CYP46A1: variants seen among roughly 807,000 people sequenced by gnomAD.
CYP46A1 encodes the protein cytochrome P450 family 46 subfamily A member 1.
CYP46A1 carries 20 observed loss-of-function variants against 63.3 expected under a neutral mutation model. That is an observed-to-expected ratio of 0.32 (90% CI 0.22 to 0.46). The LOEUF is 0.46. Among genes scored for constraint, CYP46A1 ranks in the 20% least tolerant of loss-of-function variants. CYP46A1 has a pLI of 1.00. For synonymous variants in CYP46A1, 268 were observed against 273.6 expected (o/e 0.98, Z 0.20); for missense variants, 445 against 670.8 (o/e 0.66, Z 3.72).
At chr14:99,690,935 G>C (rs570082760) in intron 1 of CYP46A1, 146 bp from the exon 2 acceptor site, 41 of 691,700 alleles carry the variant, frequency 5.9e-5, no homozygotes, top group Non-Finnish European at 6.1e-5. Context: ...CATTCTTACT[G>C]CCTGGTGTCC....
intron 5 of CYP46A1, among the ~76,000 whole-genome samples, chr14:99,701,258 C>T (rs4905881): frequency 0.3 from 45,323 of 151,994 alleles, 6,949 homozygotes; most frequent in Middle Eastern, 0.37. Context: ...TCTACATTAG[C>T]GTGCAGTAAT....
intron 8 of CYP46A1, 59 bp downstream of exon 8, chr14:99,716,019 T>TGATA: frequency 6.2e-7 from 1 of 1,603,338 alleles, no homozygotes; most frequent in South Asian, 1.1e-5. Context: ...GTTCCCCAGG[T>TGATA]GATACATCGC....
chr14:99,726,329 A>G, intron 14 of CYP46A1, 73 bp downstream of exon 14: 4 of 1,514,320 alleles, frequency 2.6e-6, no homozygotes, highest in Non-Finnish European at 3.6e-6. Flanking sequence ...GCCGGGAAGC[A>G]TCTCCGAACC....
chr14:99,688,670 T>A lies in CYP46A1; in HGVS notation c.120-2411T>A, dbSNP rs117647761. On this transcript the variant is annotated intron_variant, in intron 1 of 14. Transcript: ENST00000261835. ...CAAAGCTTGGAACAAAACCTTTCCC[T>A]TCACCCTCTCGTTCCCTGTAGCTGC... 1.7e-4 allele frequency among the ~76,000 whole-genome samples: 26 copies of A among 152,292 alleles called. No homozygotes were observed. The East Asian group carries it at 4.6e-3, about 27-fold the overall frequency.
rs780483949 is a variant in CYP46A1 at position 99,721,958 on chromosome 14, C to G, written c.1068C>G (p.Val356=). The G allele has an allele frequency of 4.1e-5, 66 of 1,612,658 alleles. No individual in the cohort carries two copies. The highest frequency in any genetic ancestry group is 5.0e-5 in the Non-Finnish European group (59 of 1,179,102). The change falls in exon 12 of 15, where the codon GTC becomes GTG. Residue 356 remains valine (V), a splice_region_variant and synonymous_variant. Coordinates refer to ENST00000261835, the MANE Select transcript of CYP46A1 (RefSeq NM_006668.2). ...DLGRLQYLSQ[V]LKESLRLYPP... Reference sequence around the variant, plus strand: ...ATCTCCCCTTGTGGCTTCTCTAGGTCCTCAAAGAGTCGCTGAGGCTGTACC... The same window carrying G: ...ATCTCCCCTTGTGGCTTCTCTAGGTGCTCAAAGAGTCGCTGAGGCTGTACC...
At chr14:99,719,855 G>A (rs533497178) in intron 10 of CYP46A1, among the ~76,000 whole-genome samples, 10 of 150,508 alleles carry the variant, frequency 6.6e-5, no homozygotes, top group African/African-American at 1.5e-4. Context: ...TCCACCTCCC[G>A]GGTTCACGCC....
chr14:99,686,904 G>T (rs1297583072), intron 1 of CYP46A1, among the ~76,000 whole-genome samples: 1 of 152,188 alleles, frequency 6.6e-6, no homozygotes, highest in Non-Finnish European at 1.5e-5. Flanking sequence ...GAAAGTTCTG[G>T]AAACTCTTCT....
rs201296209 is a variant in CYP46A1 at position 99,725,463 on chromosome 14, G to C, written c.1249G>C (p.Gly417Arg). 2 of 1,613,868 alleles carry C rather than the reference G, an allele frequency of 1.2e-6. No individual in the cohort carries two copies. Among genetic ancestry groups the C allele is most frequent in the African/African-American group, 2.7e-5 (2 of 74,904 alleles). The stretch of plus-strand genomic sequence containing the variant: ...GCTGACTTTCAACCCCGATCGCTTC[G>C]GCCCTGGAGCACCCAAGTAAGTCCC... ...DPLTFNPDRFGPGAPKPRFTY... is the reference protein window; with the variant it reads ...DPLTFNPDRFRPGAPKPRFTY... The change falls in exon 13 of 15, where the codon GGC becomes CGC. Residue 417 changes from glycine (G) to arginine (R), a missense_variant. By Grantham distance (125) the Gly-to-Arg change is moderately radical. This residue lies in a region of CYP46A1 where 95 missense variants were observed against 156.9 expected (regional missense o/e 0.61). Transcript: ENST00000261835. The surrounding 1 kb of genome is among the most constrained non-coding windows in gnomAD (Gnocchi z 4.2).
intron 5 of CYP46A1, among the ~76,000 whole-genome samples, chr14:99,700,771 C>T (rs1457869836): frequency 6.6e-6 from 1 of 152,200 alleles, no homozygotes; most frequent in Non-Finnish European, 1.5e-5. Flanking sequence ...GAATGGGTTC[C>T]TTCTACTTAC....
intron 3 of CYP46A1, among the ~76,000 whole-genome samples, chr14:99,693,428 T>C (rs919970031): frequency 6.6e-6 from 1 of 152,228 alleles, no homozygotes; most frequent in Admixed American, 6.5e-5. Context: ...AAGATATATA[T>C]TGATATAGTG....
At chr14:99,700,464 G>A (rs1263699786) in intron 5 of CYP46A1, among the ~76,000 whole-genome samples, 1 of 152,190 alleles carries the variant, frequency 6.6e-6, no homozygotes, top group Non-Finnish European at 1.5e-5. Context: ...TGGTGATATA[G>A]TTGTGCTTTG....
intron 10 of CYP46A1, among the ~76,000 whole-genome samples, chr14:99,719,496 A>G (rs1226737234): frequency 1.3e-5 from 2 of 151,906 alleles, no homozygotes; most frequent in Non-Finnish European, 2.9e-5. Context: ...TGCTGGGATT[A>G]CAGGTGTGAG....
At chr14:99,691,422 G>C in intron 2 of CYP46A1, 1 of 585,376 alleles carries the variant, frequency 1.7e-6, no homozygotes, top group Non-Finnish European at 3.0e-6. Context: ...GGGTGGGGGG[G>C]TGTGACCAGG....
At chr14:99,690,326 A>T (rs2044714647) in intron 1 of CYP46A1, among the ~76,000 whole-genome samples, 1 of 151,670 alleles carries the variant, frequency 6.6e-6, no homozygotes, top group African/African-American at 2.4e-5. Context: ...ACACCCACAC[A>T]CTCATCCCCA....
Position 99,721,277 on chromosome 14 carries a change from G to C in CYP46A1, c.1019G>C (p.Arg340Thr). ...AEVDEVIGSK[R>T]YLDFEDLGRL... is the part of the protein sequence containing the mutation. ...GTGGATGAGGTCATTGGTTCTAAGA[G>C]GTACCTGGATTTCGAGGACCTGGGG... The change falls in exon 11 of 15, where the codon AGG becomes ACG. Residue 340 changes from arginine to threonine, a missense_variant. This residue lies in a region of CYP46A1 where 95 missense variants were observed against 156.9 expected (regional missense o/e 0.61). Transcript: ENST00000261835. 1 of 1,614,132 alleles carries C rather than the reference G, an allele frequency of 6.2e-7. No homozygotes were observed.
chr14:99,723,108 G>T, intron 12 of CYP46A1: 2 of 255,590 alleles, frequency 7.8e-6, no homozygotes, highest in Non-Finnish European at 1.7e-5. Flanking sequence ...CCAAATATGT[G>T]TTTTTAAAAA....
intron 3 of CYP46A1, among the ~76,000 whole-genome samples, chr14:99,695,058 G>C (rs955541990): frequency 6.6e-6 from 1 of 152,090 alleles, no homozygotes; most frequent in East Asian, 1.9e-4. Context: ...TGGATTATTT[G>C]GATGTATGTT....
chr14:99,691,484 A>G, intron 2 of CYP46A1: 1 of 571,672 alleles, frequency 1.7e-6, no homozygotes, highest in East Asian at 2.9e-5. Context: ...AAGTACTTTC[A>G]AAGATGCGAA....
At chr14:99,705,028 T>C (rs2056663735) in intron 5 of CYP46A1, among the ~76,000 whole-genome samples, 1 of 152,214 alleles carries the variant, frequency 6.6e-6, no homozygotes, top group African/African-American at 2.4e-5. Flanking sequence ...AGACTCCAGC[T>C]CTTAAGCTCA....
Sources: gnomAD v4.1 joint callset for allele counts (sites outside exome capture counted in the v4.1 genomes callset) on GRCh38, gnomAD v4.1.1 for gene constraint, gnomAD v4.1.1 regional missense constraint, Gnocchi (gnomAD v3.1) non-coding constraint, MANE v1.5 for transcripts, NCBI Gene and HGNC (gene_info 2026-07-23, HGNC 2026-07-21) for gene names.